DFFB: variants seen among roughly 807,000 people sequenced by gnomAD.
DFFB encodes DNA fragmentation factor subunit beta, also known as DNA fragmentation factor 40 kDa subunit.
A neutral mutation model predicts 32.7 loss-of-function variants in DFFB; 29 were observed. That is an observed-to-expected ratio of 0.89 (90% CI 0.66 to 1.21). DFFB has a LOEUF of 1.21. Ranked by LOEUF, DFFB falls within the 50% of genes most tolerant of loss-of-function variation. DFFB has a pLI of 0.00. For missense variants in DFFB, 398 were observed against 440.6 expected (o/e 0.90, Z 0.87); for synonymous variants, 170 against 177.1 (o/e 0.96, Z 0.32).
chr1:3,876,504 C>T (rs57719213), intron 6 of DFFB, among the ~76,000 whole-genome samples: 5,574 of 152,292 alleles, frequency 0.037, 351 homozygotes, highest in African/African-American at 0.13. Flanking sequence ...CACCGGTCTT[C>T]GGAAAGTTGC....
Position 3,884,206 on chromosome 1 carries a change from G to C in DFFB, c.*465G>C, listed in dbSNP as rs1452307504. The C allele has an allele frequency of 5.2e-6, 1 of 190,714 alleles. No homozygotes were observed. The allele number at this position is 190,714 out of a possible 1,614,324, so 11.8% of individuals were successfully genotyped here. On this transcript the variant is annotated 3_prime_UTR_variant, in exon 7 of 7. Coordinates refer to ENST00000378209, the MANE Select transcript of DFFB (RefSeq NM_004402.4). ...GCCTGAATCATTTCTTATACCTTCT[G>C]ACAGCCCAACTTCCAGAGGACAGCT...
At chr1:3,863,116 C>T (rs4393098) in intron 2 of DFFB, among the ~76,000 whole-genome samples, 132,151 of 152,200 alleles carry the variant, frequency 0.87, 58,132 homozygotes, top group Middle Eastern at 0.95. Context: ...CAGAATAGGA[C>T]AAAATAGTTG....
chr1:3,880,699 C>T (rs1330521263), intron 6 of DFFB, among the ~76,000 whole-genome samples: 1 of 151,854 alleles, frequency 6.6e-6, no homozygotes, highest in Non-Finnish European at 1.5e-5. Context: ...CTGGTGGAGC[C>T]TTCTGCTGCT....
intron 5 of DFFB, 58 bp from the exon 6 acceptor site, chr1:3,872,411 CAAG>C (rs1645135786): frequency 1.5e-4 from 198 of 1,303,972 alleles, no homozygotes; most frequent in East Asian, 5.4e-4. Context: ...GGCGCTGTCT[CAAG>C]AAAAAAAAAA....
chr1:3,872,755 AG>A (rs1318331302), intron 6 of DFFB, among the ~76,000 whole-genome samples, 183 bp downstream of exon 6: 2 of 152,026 alleles, frequency 1.3e-5, no homozygotes, highest in African/African-American at 2.4e-5. Context: ...ATGGCAGCAT[AG>A]GGGGCTGCTG....
intron 6 of DFFB, among the ~76,000 whole-genome samples, chr1:3,873,795 T>A (rs551224179): frequency 1.4e-4 from 22 of 152,256 alleles, no homozygotes; most frequent in African/African-American, 4.3e-4. Flanking sequence ...GGGATTTTTT[T>A]AAGGATGCTC....
At chr1:3,874,085 G>T (rs1020555351) in intron 6 of DFFB, among the ~76,000 whole-genome samples, 2 of 152,242 alleles carry the variant, frequency 1.3e-5, no homozygotes, top group Non-Finnish European at 2.9e-5. Context: ...AGTTTATCAT[G>T]TACATACATG....
chr1:3,880,130 A>C (rs6678859), intron 6 of DFFB, among the ~76,000 whole-genome samples: 27,297 of 152,006 alleles, frequency 0.18, 2,497 homozygotes, highest in African/African-American at 0.21. Flanking sequence ...AGAGGGTTTG[A>C]GGTGGAGGTT....
At chr1:3,867,896 C>G (rs1645015352) in intron 3 of DFFB, 78 bp from the exon 4 acceptor site, 1 of 1,326,252 alleles carries the variant, frequency 7.5e-7, no homozygotes, top group African/African-American at 1.5e-5. Context: ...CTGCTTGGCA[C>G]CTGGGCTGGG....
chr1:3,873,806 A>G (rs567353165), intron 6 of DFFB, among the ~76,000 whole-genome samples: 39 of 152,286 alleles, frequency 2.6e-4, no homozygotes, highest in African/African-American at 8.9e-4. Context: ...AAGGATGCTC[A>G]GCTAGTCAGT....
Position 3,883,528 on chromosome 1 carries a change from C to T in DFFB, c.804C>T (p.Ile268=), listed in dbSNP as rs200948914. The part of the protein sequence containing the change: ...LDHIIEKKRT[I]IPTLVEAIKE... ...GCAGAATAGAAAAGAAACGCACCAT[C>T]ATTCCTACACTGGTGGAAGCAATTA... The change falls in exon 7 of 7, where the codon ATC becomes ATT. Residue 268 remains isoleucine, a synonymous_variant. Transcript: ENST00000378209. The T allele has an allele frequency of 3.7e-6, 6 of 1,614,174 alleles. No homozygotes were observed. Among genetic ancestry groups the T allele is most frequent in the Admixed American group, 1.7e-5 (1 of 60,024 alleles).
At chr1:3,874,095 G>A (rs1265741811) in intron 6 of DFFB, among the ~76,000 whole-genome samples, 1 of 152,156 alleles carries the variant, frequency 6.6e-6, no homozygotes, top group Non-Finnish European at 1.5e-5. Context: ...GTACATACAT[G>A]GTGGCCCACG....
At chr1:3,877,831 T>C (rs1317900391) in intron 6 of DFFB, among the ~76,000 whole-genome samples, 1 of 111,030 alleles carries the variant, frequency 9.0e-6, no homozygotes, top group Non-Finnish European at 2.1e-5. Flanking sequence ...TCAGTTCCAC[T>C]GTGCCGGCTT....
intron 6 of DFFB, among the ~76,000 whole-genome samples, chr1:3,881,049 G>A (rs534585190): frequency 5.9e-5 from 9 of 152,274 alleles, no homozygotes; most frequent in Admixed American, 2.6e-4. Flanking sequence ...CTCTCCCCAC[G>A]CTGAATTCAG....
intron 6 of DFFB, among the ~76,000 whole-genome samples, chr1:3,877,675 G>A (rs760138731): frequency 4.6e-5 from 7 of 152,122 alleles, no homozygotes; most frequent in Non-Finnish European, 8.8e-5. Flanking sequence ...TTTTGTTTTT[G>A]ATCCATGGAT....
At chr1:3,857,758 G>C in intron 1 of DFFB, 41 bp downstream of exon 1, 1 of 1,351,280 alleles carries the variant, frequency 7.4e-7, no homozygotes, top group South Asian at 1.5e-5. Context: ...TCGGGGAGGC[G>C]TGTGGGGAGA....
chr1:3,872,409 C>T (rs1290707447), intron 5 of DFFB, 63 bp from the exon 6 acceptor site: 4 of 1,297,556 alleles, frequency 3.1e-6, no homozygotes, highest in Admixed American at 1.9e-5. Flanking sequence ...GAGGCGCTGT[C>T]TCAAGAAAAA....
In DFFB at chr1:3,865,632, G is replaced by A. The variant is rs749720927; in HGVS notation, c.242-180G>A. The A allele has an allele frequency of 1.2e-4, 104 of 884,266 alleles. No homozygotes were observed. The highest frequency in any genetic ancestry group is 1.8e-4 in the Non-Finnish European group (96 of 527,848). The allele number at this position is 884,266 out of a possible 1,614,324, so 54.8% of individuals were successfully genotyped here. Reference sequence around the variant, plus strand: ...CTCTGTCCTCATGCCGCCCTTGTGCGTGGTCCCCAGCTGTTGGTGTCAGGG... The same window carrying A: ...CTCTGTCCTCATGCCGCCCTTGTGCATGGTCCCCAGCTGTTGGTGTCAGGG... On this transcript the variant is annotated intron_variant, in intron 2 of 6. Coordinates refer to ENST00000378209, the MANE Select transcript of DFFB (RefSeq NM_004402.4). The surrounding 1 kb of genome is among the most constrained non-coding windows in gnomAD (Gnocchi z 4.7).
At chr1:3,869,824 C>T (rs2124747243) in intron 5 of DFFB, 49 bp downstream of exon 5, 3 of 1,530,636 alleles carry the variant, frequency 2.0e-6, no homozygotes, top group Non-Finnish European at 2.6e-6. Flanking sequence ...GCCTGTGGAA[C>T]ACAGCCCGCC....
Sources: allele counts gnomAD v4.1 joint callset (sites outside exome capture counted in the v4.1 genomes callset), GRCh38; gene constraint gnomAD v4.1.1; non-coding constraint Gnocchi (gnomAD v3.1); transcripts MANE v1.5; gene names NCBI Gene and HGNC (gene_info 2026-07-23, HGNC 2026-07-21).